The following RNF44 variants were observed in gnomAD, a reference collection of about 807,000 sequenced individuals.
The protein encoded by RNF44 is ring finger protein 44.
A neutral mutation model predicts 53.6 loss-of-function variants in RNF44; 25 were observed. The observed-to-expected ratio is 0.47, with a 90% CI of 0.34 to 0.65. RNF44 has a LOEUF of 0.65. RNF44 is among the 30% of genes least tolerant of loss of function. RNF44 has a pLI of 0.01. For missense variants in RNF44, 581 were observed against 595.5 expected, an observed-to-expected ratio of 0.98 and a Z score of 0.25; for synonymous variants, 282 against 252.2, an observed-to-expected ratio of 1.12 and a Z score of -1.12.
the RNF44 span, among the ~76,000 whole-genome samples, chr5:176,543,303 C>T: frequency 1.4e-5 from 2 of 146,892 alleles, no homozygotes; most frequent in Non-Finnish European, 3.0e-5. This position sits in a 1 kb window ranked among gnomAD's most constrained non-coding sequence, Gnocchi z 4.0. Context: ...GCGGCCGGCG[C>T]GTCGCTCCCG....
rs749061433 is a variant in RNF44 at position 176,530,071 on chromosome 5, C to T, written c.926+11G>A. ...GCATCAGGGACCTGGGGCGGATGTGCGGATACTTACAGGAAGTAGGGCAGG... is the reference window on the plus strand; with the variant it reads ...GCATCAGGGACCTGGGGCGGATGTGTGGATACTTACAGGAAGTAGGGCAGG... On this transcript the variant is annotated intron_variant, in intron 7 of 10. Coordinates refer to ENST00000274811, the MANE Select transcript of RNF44 (RefSeq NM_014901.5). 6.7e-5 allele frequency: 76 copies of T among 1,133,884 alleles called. No homozygotes were observed. Among genetic ancestry groups the T allele is most frequent in the East Asian group, 5.0e-4 (9 of 18,066 alleles). 70.2% of individuals were successfully genotyped at this position (1,133,884 alleles called of 1,614,324 possible). A position where few individuals can be genotyped will look rare whatever the true frequency, so the allele number is the denominator to read the frequency against.
chr5:176,540,238 T>C (rs1757418249), upstream of RNF44, among the ~76,000 whole-genome samples: 1 of 152,150 alleles, frequency 6.6e-6, no homozygotes, highest in Non-Finnish European at 1.5e-5. Context: ...CACTGGCATA[T>C]ACGGGTACCC....
the RNF44 span, among the ~76,000 whole-genome samples, chr5:176,543,198 C>T: frequency 6.7e-6 from 1 of 148,646 alleles, no homozygotes; most frequent in African/African-American, 2.4e-5. This position sits in a 1 kb window ranked among gnomAD's most constrained non-coding sequence, Gnocchi z 4.0. Flanking sequence ...CCGCCCCCTA[C>T]CGCCGCGTGC....
upstream of RNF44, chr5:176,542,602 C>T (rs1283065159): frequency 6.6e-6 from 1 of 152,182 alleles, no homozygotes; most frequent in Non-Finnish European, 1.5e-5. Flanking sequence ...CAAGTCTACC[C>T]GAATCCCCCA....
intron 1 of RNF44, 133 bp downstream of exon 1, chr5:176,536,807 C>T (rs1477977978): frequency 1.3e-5 from 2 of 152,164 alleles, no homozygotes; most frequent in African/African-American, 4.8e-5. Flanking sequence ...TGGGGTCTCG[C>T]TGCCCGCAGT....
In RNF44 at chr5:176,531,052, C is replaced by T. The variant is rs371231949; in HGVS notation, c.466-31G>A. 6.5e-5 allele frequency: 93 copies of T among 1,427,232 alleles called. No individual in the cohort carries two copies. The highest frequency in any genetic ancestry group is 8.2e-5 in the Non-Finnish European group (89 of 1,090,728). The allele number at this position is 1,427,232 out of a possible 1,614,324, so 88.4% of individuals were successfully genotyped here. A position where few individuals can be genotyped will look rare whatever the true frequency, so the allele number is the denominator to read the frequency against. ...AAGAGAGGGGGCAGGGGGCTGAGAA[C>T]GTTCTCCTGGGCTCTGGGCCAGGTC... On this transcript the variant is annotated intron_variant, in intron 4 of 10. Coordinates refer to ENST00000274811, the MANE Select transcript of RNF44 (RefSeq NM_014901.5). The surrounding 1 kb of genome is among the most constrained non-coding windows in gnomAD (Gnocchi z 4.2).
At position 176,532,008 on chromosome 5, in the gene RNF44, TC is replaced by T; in HGVS notation, c.292del (p.Glu98SerfsTer17). ...AGGGGATGGGGTTCTGCCTACCTGCTCGTGGAGATCAACCATGAACGGGCTC... is the reference window on the plus strand; with the variant it reads ...AGGGGATGGGGTTCTGCCTACCTGCTGTGGAGATCAACCATGAACGGGCTC... ...QQSPFMVDLH[E>X]QVHQGPVPLS... On this transcript the variant is annotated frameshift_variant, in exon 3 of 11. Coordinates refer to ENST00000274811, the MANE Select transcript of RNF44 (RefSeq NM_014901.5). LOFTEE classifies it high-confidence loss of function. The T allele has an allele frequency of 1.2e-6, 2 of 1,609,480 alleles. No individual in the cohort carries two copies. The highest frequency in any genetic ancestry group is 1.7e-6 in the Non-Finnish European group (2 of 1,177,940).
At chr5:176,532,582 A>G (rs1756797195) in intron 1 of RNF44, 66 bp from the exon 2 acceptor site, 2 of 1,364,424 alleles carry the variant, frequency 1.5e-6, no homozygotes, top group East Asian at 5.1e-5. Context: ...GTCTCTGCTA[A>G]AAATACAAAA....
At position 176,530,485 on chromosome 5, in the gene RNF44, T is replaced by C. The variant is rs375660647; in HGVS notation, c.801+97A>G. The C allele has an allele frequency of 2.4e-6, 3 of 1,267,166 alleles. No homozygotes were observed. The African/African-American group carries it at 4.9e-5, about 21-fold the overall frequency. 78.5% of individuals were successfully genotyped at this position (1,267,166 alleles called of 1,614,324 possible). A position where few individuals can be genotyped will look rare whatever the true frequency, so the allele number is the denominator to read the frequency against. On this transcript the variant is annotated intron_variant, in intron 6 of 10. Transcript: ENST00000274811. The stretch of plus-strand genomic sequence containing the variant: ...CACGTGCAAGTCAGCCCGGTGGGCC[T>C]GCCTCCCAGCTGCCTGGGAGCCCAG...
At chr5:176,533,055 G>A (rs1194895761) in intron 1 of RNF44, among the ~76,000 whole-genome samples, 1 of 152,198 alleles carries the variant, frequency 6.6e-6, no homozygotes, top group African/African-American at 2.4e-5. Flanking sequence ...GCTGGGCGGG[G>A]TCTCAGGGCA....
chr5:176,532,344 G>A lies in RNF44; in HGVS notation c.107+22C>T, dbSNP rs376656819. 15 of 1,594,992 alleles carry A rather than the reference G, an allele frequency of 9.4e-6. No individual in the cohort carries two copies. In the East Asian group the frequency reaches 2.7e-4, roughly 29 times the overall value. On this transcript the variant is annotated intron_variant, in intron 2 of 10. Transcript: ENST00000274811. ...TGCTGGCCCCCATGCCCCAGCACCA[G>A]GACTGGGAGGCTCCTTCCTACCTTC...
At chr5:176,540,693 C>G (rs1757427016), upstream of RNF44, among the ~76,000 whole-genome samples, 1 of 152,236 alleles carries the variant, frequency 6.6e-6, no homozygotes, top group South Asian at 2.1e-4. Context: ...CTGGATCTGC[C>G]TCTTCTCCTG....
At chr5:176,538,804 T>A (rs1757373454), upstream of RNF44, among the ~76,000 whole-genome samples, 1 of 152,240 alleles carries the variant, frequency 6.6e-6, no homozygotes, top group Admixed American at 6.5e-5. Flanking sequence ...ACAGTATGTA[T>A]CAGGTTTCTT....
intron 1 of RNF44, among the ~76,000 whole-genome samples, chr5:176,533,717 A>G (rs1200614848): frequency 1.3e-5 from 2 of 152,232 alleles, no homozygotes; most frequent in African/African-American, 4.8e-5. Context: ...GCCTCCGGTC[A>G]GAGATGAGGG....
Position 176,530,709 on chromosome 5 carries a change from C to A in RNF44, c.674G>T (p.Arg225Leu). 1 of 1,549,086 alleles carries A rather than the reference C, an allele frequency of 6.5e-7. No individual in the cohort carries two copies. The highest frequency in any genetic ancestry group is 2.5e-5 in the East Asian group (1 of 39,956). Residue 225 changes from arginine to leucine, a missense_variant, in exon 6 of 11, where the codon CGT becomes CTT. Arg to Leu is a moderately radical substitution (Grantham distance 102, BLOSUM62 -2). Transcript: ENST00000274811. ...GCTGCCCAGGGAGGGCTGGTCCCCA[C>A]GCAGGTCCACGTCGTTGTCGAGCCG... is the stretch of plus-strand genomic sequence containing the variant. ...LQRLDNDVDL[R>L]GDQPSLGSFT...
chr5:176,534,417 G>A (rs923061716), intron 1 of RNF44, among the ~76,000 whole-genome samples: 7 of 152,244 alleles, frequency 4.6e-5, no homozygotes, highest in African/African-American at 1.7e-4. Flanking sequence ...CCTGGGCCAA[G>A]TGCACACCCT....
intron 5 of RNF44, 48 bp from the exon 6 acceptor site, chr5:176,530,791 C>G: frequency 6.8e-7 from 1 of 1,476,598 alleles, no homozygotes; most frequent in South Asian, 1.4e-5. Context: ...CGAGGCTGTC[C>G]TCACCCTGCC....
intron 1 of RNF44, among the ~76,000 whole-genome samples, chr5:176,535,674 A>T (rs1317162450): frequency 6.6e-6 from 1 of 152,218 alleles, no homozygotes; most frequent in Non-Finnish European, 1.5e-5. Flanking sequence ...CAAGCCATAC[A>T]GGAGGCTGGG....
intron 1 of RNF44, 89 bp downstream of exon 1, chr5:176,536,850 AC>A (rs1344208453): frequency 6.6e-6 from 1 of 151,710 alleles, no homozygotes. Context: ...CTACGGAGCC[AC>A]CTAGATCACG....
Sources: gnomAD v4.1 joint callset for allele counts (sites outside exome capture counted in the v4.1 genomes callset) on GRCh38, gnomAD v4.1.1 for gene constraint, Gnocchi (gnomAD v3.1) non-coding constraint, MANE v1.5 for transcripts, NCBI Gene and HGNC (gene_info 2026-07-23, HGNC 2026-07-21) for gene names.